The following CELA3A variants were observed in gnomAD, a reference collection of about 807,000 sequenced individuals.
CELA3A encodes the protein chymotrypsin like elastase 3A, also known as chymotrypsin-like elastase family member 3A.
In CELA3A, 35 loss-of-function variants were observed where a neutral mutation model predicts 38.6. The ratio of observed to expected loss-of-function variants is 0.91; its 90% confidence interval spans 0.69 to 1.20. The LOEUF (loss-of-function observed/expected upper bound fraction) is 1.20. Ranked by LOEUF, CELA3A falls within the 50% of genes most tolerant of loss-of-function variation. The pLI is 0.00. For synonymous variants in CELA3A, 143 were observed against 136.7 expected (o/e 1.05, Z -0.32); for missense variants, 343 against 354.2 (o/e 0.97, Z 0.25).
chr1:22,001,911 T>C (rs1644920838), intron 1 of CELA3A, among the ~76,000 whole-genome samples, 194 bp downstream of exon 1: 1 of 150,964 alleles, frequency 6.6e-6, no homozygotes, highest in Admixed American at 6.6e-5. Context: ...AAGCTGTGGA[T>C]GGTGAAAGAC....
intron 7 of CELA3A, among the ~76,000 whole-genome samples, chr1:22,011,274 A>C (rs1203765190): frequency 6.7e-6 from 1 of 148,200 alleles, no homozygotes; most frequent in Non-Finnish European, 1.5e-5. Flanking sequence ...CCAGCTACTC[A>C]GGAGGCTGAG....
rs559865625 is a variant in CELA3A, at chr1:22,005,469, G to A, written c.152G>A (p.Ser51Asn). The A allele has an allele frequency of 3.7e-6, 6 of 1,612,868 alleles. No individual in the cohort carries two copies. In the South Asian group the frequency reaches 6.6e-5, roughly 18 times the overall value. ...PWQVSLQYEK[S>N]GSFYHTCGGS... is the part of the protein sequence containing the mutation. ...CAGGTTTCCCTGCAGTATGAGAAAA[G>A]TGGAAGCTTCTACCACACGTGTGGC... The change falls in exon 3 of 8, where the codon AGT (serine) becomes AAT (asparagine). Residue 51 changes from serine to asparagine, a missense_variant. Coordinates refer to ENST00000290122, the MANE Select transcript of CELA3A (RefSeq NM_005747.5).
intron 4 of CELA3A, among the ~76,000 whole-genome samples, chr1:22,006,571 G>A (rs1484940009): frequency 1.3e-5 from 2 of 150,430 alleles, no homozygotes; most frequent in South Asian, 2.1e-4. Flanking sequence ...CCTTAAGAAC[G>A]ATTTGGGCCA....
intron 6 of CELA3A, 36 bp downstream of exon 6, chr1:22,007,551 G>A (rs1015162345): frequency 6.3e-7 from 1 of 1,595,698 alleles, no homozygotes; most frequent in African/African-American, 1.4e-5. Context: ...GTGGTGCTGG[G>A]TGTGCAGGAC....
chr1:22,010,436 G>C, intron 7 of CELA3A, among the ~76,000 whole-genome samples: 1 of 151,070 alleles, frequency 6.6e-6, no homozygotes, highest in Admixed American at 6.6e-5. Flanking sequence ...GGCCAAGATG[G>C]TGAAACCCTG....
intron 7 of CELA3A, among the ~76,000 whole-genome samples, chr1:22,012,154 T>C (rs1278254777): frequency 7.8e-6 from 1 of 128,046 alleles, no homozygotes; most frequent in African/African-American, 3.2e-5. Flanking sequence ...CACAAATACG[T>C]ATATATATAC....
rs1644941715 is a variant in CELA3A, at chr1:22,005,129, GGT to G, written c.130-316_130-315del. Among the ~76,000 whole-genome samples, 4 of 146,934 alleles carry G rather than the reference GGT, an allele frequency of 2.7e-5. No individual in the cohort carries two copies. The East Asian group carries it at 7.9e-4, about 29-fold the overall frequency. ...AAAAAAAAAAACTCACAGGGCGAGG[GGT>G]GCGTGATAGAACAGAGGGCCTTCAA... is the stretch of plus-strand genomic sequence containing the variant. On this transcript the variant is annotated intron_variant, in intron 2 of 7. Coordinates refer to ENST00000290122, the MANE Select transcript of CELA3A (RefSeq NM_005747.5).
In CELA3A at chr1:22,002,911, C is replaced by A. The variant is rs958324825; in HGVS notation, c.44-92C>A. 1.0e-5 allele frequency: 12 copies of A among 1,168,192 alleles called. 2 individuals are homozygous for A. In the African/African-American group the frequency reaches 1.7e-4, roughly 17 times the overall value. The allele number at this position is 1,168,192 out of a possible 1,614,324, so 72.4% of individuals were successfully genotyped here. A position where few individuals can be genotyped will look rare whatever the true frequency, so the allele number is the denominator to read the frequency against. ...AAGGGGCTTGCATGGGGTCACACAG[C>A]CAGTTGAAGGCATGGCTTGGACTGG... is the stretch of plus-strand genomic sequence containing the variant. On this transcript the variant is annotated intron_variant, in intron 1 of 7. Coordinates refer to ENST00000290122, the MANE Select transcript of CELA3A (RefSeq NM_005747.5).
chr1:22,005,817 G>A (rs773679580), intron 4 of CELA3A, 21 bp downstream of exon 4: 19 of 1,609,948 alleles, frequency 1.2e-5, no homozygotes, highest in Admixed American at 6.7e-5. Flanking sequence ...GCTCCGGTCT[G>A]GAACCCAGGG....
rs1307073736 is a variant in CELA3A, at chr1:22,003,238, C to T, written c.129+150C>T. ...GGCAGCCCTTGGACCATCTACTTCA[C>T]GGGGAGGTTTTGCCCGTTTCATCTG... On this transcript the variant is annotated intron_variant, in intron 2 of 7. Transcript: ENST00000290122. The T allele has an allele frequency of 6.9e-6, 6 of 870,346 alleles. 1 individual carries two copies. Among genetic ancestry groups the T allele is most frequent in the African/African-American group, 5.4e-5 (3 of 55,644 alleles). The allele number at this position is 870,346 out of a possible 1,614,324, so 53.9% of individuals were successfully genotyped here.
intron 3 of CELA3A, 26 bp from the exon 4 acceptor site, chr1:22,005,636 C>T (rs377468643): frequency 6.2e-7 from 1 of 1,612,318 alleles, no homozygotes. Flanking sequence ...CAGTCAGGCC[C>T]CGACTGACCT....
At position 22,005,548 on chromosome 1, in the gene CELA3A, A is replaced by G. The variant is rs1206968171; in HGVS notation, c.227+4A>G. ...TGACTGCCGGCCACTGCATCTCGTG[A>G]GTTCTCTACCCTGTCCCTGCCTGTG... On this transcript the variant is annotated splice_donor_region_variant and intron_variant, in intron 3 of 7. Transcript: ENST00000290122. 2 of 1,612,656 alleles carry G rather than the reference A, an allele frequency of 1.2e-6. No homozygotes were observed. Among genetic ancestry groups the G allele is most frequent in the East Asian group, 4.5e-5 (2 of 44,710 alleles).
At chr1:22,004,247 C>T (rs4446937) in intron 2 of CELA3A, among the ~76,000 whole-genome samples, 40,663 of 145,762 alleles carry the variant, frequency 0.28, 6,989 homozygotes, top group East Asian at 0.52. Flanking sequence ...AATTTTTATA[C>T]ATTGTTGTAG....
intron 2 of CELA3A, among the ~76,000 whole-genome samples, chr1:22,003,743 TTGCCCAGGCTGAAGTGCAATGG>T (rs1392125250): frequency 6.6e-6 from 1 of 151,194 alleles, no homozygotes; most frequent in Middle Eastern, 3.2e-3. Context: ...TTCACTCTTG[TTGCCCAGGCTGAAGTGCAATGG>T]CACAATCTTG....
rs79472468 is a variant in CELA3A at position 22,005,657 on chromosome 1, T to C, written c.228-5T>C. The C allele has an allele frequency of 6.8e-6, 11 of 1,612,278 alleles. No individual in the cohort carries two copies. Among genetic ancestry groups the C allele is most frequent in the Admixed American group, 1.7e-5 (1 of 59,914 alleles). Reference sequence around the variant, plus strand: ...GGCCCCGACTGACCTCACCTCTGCCTGCAGGAGGGATCTGACCTACCAGGT... The same window carrying C: ...GGCCCCGACTGACCTCACCTCTGCCCGCAGGAGGGATCTGACCTACCAGGT... On this transcript the variant is annotated splice_polypyrimidine_tract_variant and splice_region_variant and intron_variant, in intron 3 of 7. Coordinates refer to ENST00000290122, the MANE Select transcript of CELA3A (RefSeq NM_005747.5).
intron 2 of CELA3A, among the ~76,000 whole-genome samples, chr1:22,003,539 G>T (rs1487467499): frequency 6.6e-6 from 1 of 150,718 alleles, no homozygotes; most frequent in African/African-American, 2.5e-5. Flanking sequence ...AATTAGGCCA[G>T]GTGCGGTGGC....
intron 6 of CELA3A, among the ~76,000 whole-genome samples, chr1:22,007,979 C>T (rs2152819672): frequency 1.3e-5 from 2 of 150,678 alleles, no homozygotes; most frequent in South Asian, 4.2e-4. Context: ...TAGTGAGATG[C>T]CCATCTACAG....
chr1:22,008,227 T>G (rs1309498073), intron 6 of CELA3A, among the ~76,000 whole-genome samples: 1 of 141,850 alleles, frequency 7.0e-6, no homozygotes, highest in Non-Finnish European at 1.5e-5. Flanking sequence ...CATAGCCCAC[T>G]GTAGCCTTGC....
intron 2 of CELA3A, among the ~76,000 whole-genome samples, chr1:22,005,111 A>G (rs552053544): frequency 6.6e-6 from 1 of 151,066 alleles, no homozygotes; most frequent in South Asian, 2.1e-4. Context: ...AAAAAAAAAA[A>G]AAACTCACAG....
Sources: gnomAD v4.1 joint callset for allele counts (sites outside exome capture counted in the v4.1 genomes callset) on GRCh38, gnomAD v4.1.1 for gene constraint, MANE v1.5 for transcripts, NCBI Gene and HGNC (gene_info 2026-07-23, HGNC 2026-07-21) for gene names.